Variants in PLD5 observed in about 807,000 individuals in gnomAD.
The protein encoded by PLD5 is phospholipase D family member 5.
A neutral mutation model predicts 61.1 loss-of-function variants in PLD5; 36 were observed. The ratio of observed to expected loss-of-function variants is 0.59; its 90% CI spans 0.45 to 0.78. The LOEUF is 0.78. PLD5 is among the 30% of genes least tolerant of loss of function. The pLI is 0.00. For synonymous variants in PLD5, 243 were observed against 242.8 expected (o/e 1.00, Z -0.01); for missense variants, 515 against 644.4 (o/e 0.80, Z 2.17).
intron 4 of PLD5, among the ~76,000 whole-genome samples, chr1:242,236,393 T>G (rs1398625562): frequency 6.6e-6 from 1 of 152,154 alleles, no homozygotes; most frequent in Non-Finnish European, 1.5e-5. Flanking sequence ...CAGACAGAAT[T>G]TTATGTCTAT....
At chr1:242,243,318 C>G (rs1425561565) in intron 4 of PLD5, among the ~76,000 whole-genome samples, 1 of 152,316 alleles carries the variant, frequency 6.6e-6, no homozygotes, top group Admixed American at 6.5e-5. Context: ...CTTCTTGGAA[C>G]TCAGAGGTGA....
intron 1 of PLD5, among the ~76,000 whole-genome samples, chr1:242,447,776 T>C (rs1666605327): frequency 1.3e-5 from 2 of 152,228 alleles, no homozygotes; most frequent in Non-Finnish European, 2.9e-5. Context: ...TGTACTTCAA[T>C]GATCTCAGCC....
intron 1 of PLD5, among the ~76,000 whole-genome samples, chr1:242,382,252 G>A (rs1472897435): frequency 1.3e-5 from 2 of 152,130 alleles, no homozygotes; most frequent in Admixed American, 6.6e-5. Flanking sequence ...GCCATGCCAA[G>A]TAAGTAGGTG....
At chr1:242,310,982 T>A (rs186766411) in intron 2 of PLD5, among the ~76,000 whole-genome samples, 1 of 152,306 alleles carries the variant, frequency 6.6e-6, no homozygotes, top group Admixed American at 6.5e-5. Flanking sequence ...TATTTTTTAA[T>A]TTTTACTTCT....
At chr1:242,291,656 A>G (rs1433020806) in intron 2 of PLD5, among the ~76,000 whole-genome samples, 1 of 151,952 alleles carries the variant, frequency 6.6e-6, no homozygotes, top group Non-Finnish European at 1.5e-5. Context: ...AATACAAAAA[A>G]TTAGCCAGGC....
At chr1:242,122,187 T>G (rs1440345136) in intron 6 of PLD5, among the ~76,000 whole-genome samples, 1 of 152,230 alleles carries the variant, frequency 6.6e-6, no homozygotes, top group Non-Finnish European at 1.5e-5. Flanking sequence ...AAGCCACTTA[T>G]GAATTTGCCC....
At chr1:242,234,121 C>T (rs1671485188) in intron 4 of PLD5, among the ~76,000 whole-genome samples, 1 of 152,124 alleles carries the variant, frequency 6.6e-6, no homozygotes, top group Non-Finnish European at 1.5e-5. Context: ...AATATTTATT[C>T]TTCTTCCAGA....
At chr1:242,514,168 C>T (rs762649314) in intron 1 of PLD5, among the ~76,000 whole-genome samples, 1 of 152,186 alleles carries the variant, frequency 6.6e-6, no homozygotes, top group Non-Finnish European at 1.5e-5. Flanking sequence ...GTCCTCAAGC[C>T]CATTAATCTA....
At chr1:242,241,910 T>TTACTATATATATATATATATATAC (rs1672055166) in intron 4 of PLD5, among the ~76,000 whole-genome samples, 1 of 50,402 alleles carries the variant, frequency 2.0e-5, no homozygotes, top group African/African-American at 8.1e-5. Flanking sequence ...TATATATATA[T>TTACTATATATATATATATATATAC]ACTTACTGTA....
At chr1:242,109,666 C>T (rs1303425470) in intron 7 of PLD5, among the ~76,000 whole-genome samples, 50 of 152,188 alleles carry the variant, frequency 3.3e-4, no homozygotes. Context: ...CTGTCCCTTC[C>T]ACTGGGAAAA....
rs1361494358 is a variant in PLD5 at position 242,207,860 on chromosome 1, TTA to T, written c.735+12126_735+12127del. 3.6e-4 allele frequency among the ~76,000 whole-genome samples: 5 copies of T among 14,002 alleles called. 1 individual carries two copies. Among genetic ancestry groups the T allele is most frequent in the South Asian group, 2.7e-3 (1 of 372 alleles). The allele number at this position is 14,002 out of a possible 152,430, so 9.2% of individuals were successfully genotyped here. Reference sequence around the variant, plus strand: ...TATATATTTATATATATTTATATATTTATATATTTATATATATTTATATATTT... The same window carrying T: ...TATATATTTATATATATTTATATATTTATATTTATATATATTTATATATTT... On this transcript the variant is annotated intron_variant, in intron 5 of 9. Coordinates refer to ENST00000536534, the MANE Select transcript of PLD5 (RefSeq NM_001372062.1).
chr1:242,339,046 C>T (rs1382683294), intron 2 of PLD5, among the ~76,000 whole-genome samples: 6 of 152,176 alleles, frequency 3.9e-5, no homozygotes, highest in Non-Finnish European at 7.4e-5. Flanking sequence ...ATAGTCTTTA[C>T]ATATATAATG....
chr1:242,181,490 A>C (rs991169460), intron 5 of PLD5, among the ~76,000 whole-genome samples: 1 of 152,154 alleles, frequency 6.6e-6, no homozygotes, highest in African/African-American at 2.4e-5. Context: ...TTTAACATGC[A>C]GAAGACTTAG....
At chr1:242,376,485 T>G (rs1191087214) in intron 1 of PLD5, among the ~76,000 whole-genome samples, 1 of 152,128 alleles carries the variant, frequency 6.6e-6, no homozygotes, top group African/African-American at 2.4e-5. Context: ...ATTCTAACAA[T>G]TAAAAACACT....
At chr1:242,169,172 C>G (rs1251051725) in intron 5 of PLD5, among the ~76,000 whole-genome samples, 2 of 152,004 alleles carry the variant, frequency 1.3e-5, no homozygotes, top group Non-Finnish European at 2.9e-5. Context: ...AGGAACAGCT[C>G]TAGTCTGCAG....
chr1:242,377,409 C>CT, intron 1 of PLD5: 1 of 1,119,866 alleles, frequency 8.9e-7, no homozygotes, highest in South Asian at 1.3e-5. Flanking sequence ...CCGCTTGGGA[C>CT]TGGGGACCTT....
intron 3 of PLD5, among the ~76,000 whole-genome samples, chr1:242,266,563 G>A (rs553069766): frequency 2.0e-5 from 3 of 152,306 alleles, no homozygotes; most frequent in Admixed American, 2.0e-4. Context: ...ACTCCCGTCT[G>A]TCTCCTTATC....
chr1:242,336,900 C>T (rs933484512), intron 2 of PLD5, among the ~76,000 whole-genome samples: 1 of 152,194 alleles, frequency 6.6e-6, no homozygotes, highest in Non-Finnish European at 1.5e-5. Flanking sequence ...CTATACGTTT[C>T]TCTGTTTTGG....
At chr1:242,486,490 G>A (rs1667965553) in intron 1 of PLD5, among the ~76,000 whole-genome samples, 1 of 152,186 alleles carries the variant, frequency 6.6e-6, no homozygotes, top group African/African-American at 2.4e-5. Flanking sequence ...TCAGAGAAAT[G>A]CAAATCAAAA....
Sources: allele counts gnomAD v4.1 joint callset (sites outside exome capture counted in the v4.1 genomes callset), GRCh38; gene constraint gnomAD v4.1.1; transcripts MANE v1.5; gene names NCBI Gene and HGNC (gene_info 2026-07-23, HGNC 2026-07-21).